The following ROBO1 variants were observed in gnomAD, a reference collection of about 807,000 sequenced individuals.
ROBO1 encodes roundabout homolog 1.
In ROBO1, 149 loss-of-function variants were observed where a neutral mutation model predicts 195.9. The ratio of observed to expected loss-of-function variants is 0.76; its 90% CI spans 0.67 to 0.87. ROBO1 has a LOEUF of 0.87. ROBO1 is among the 40% of genes least tolerant of loss of function. ROBO1 has a pLI of 0.00. For synonymous variants in ROBO1, 816 were observed against 733.2 expected, an observed-to-expected ratio of 1.11 and a Z score of -1.82; for missense variants, 1,933 against 2,068.3, an observed-to-expected ratio of 0.93 and a Z score of 1.27.
rs527256652 is a variant in ROBO1, at chr3:78,772,347, T to C, written c.500-25447A>G. On this transcript the variant is annotated intron_variant, in intron 4 of 30. Coordinates refer to ENST00000464233, the MANE Select transcript of ROBO1 (RefSeq NM_002941.4). ...TTTCTAAATTATTTGAGGAACATCA[T>C]TGACATCTTCCTGAAATAAAATCCA... Among the ~76,000 whole-genome samples, 161 of 152,186 alleles carry C rather than the reference T, an allele frequency of 1.1e-3. 1 individual carries two copies. Among genetic ancestry groups the C allele is most frequent in the African/African-American group, 3.5e-3 (146 of 41,564 alleles).
chr3:79,680,638 G>A (rs1030418454), intron 1 of ROBO1, among the ~76,000 whole-genome samples: 3 of 152,002 alleles, frequency 2.0e-5, no homozygotes, highest in Non-Finnish European at 4.4e-5. Flanking sequence ...AGCATATTCA[G>A]CTGGTGCAAA....
rs568302614 is a variant in ROBO1, at chr3:79,094,077, C to G, written c.172+31379G>C. Among the ~76,000 whole-genome samples the G allele has an allele frequency of 1.4e-4, 21 of 152,112 alleles. No individual in the cohort carries two copies. In the South Asian group the frequency reaches 4.4e-3, roughly 32 times the overall value. On this transcript the variant is annotated intron_variant, in intron 3 of 30. Transcript: ENST00000464233. ...TTTGCCATAATGAAAGGTAATAAAA[C>G]TCAAAGAGGTTATTCTATTAGCCTG...
At chr3:79,245,578 G>GA (rs2082608388) in intron 2 of ROBO1, among the ~76,000 whole-genome samples, 1 of 151,568 alleles carries the variant, frequency 6.6e-6, no homozygotes, top group Non-Finnish European at 1.5e-5. Flanking sequence ...ATATTACACA[G>GA]AAAAACGCAG....
chr3:79,580,006 A>AC (rs1943607786), intron 2 of ROBO1, among the ~76,000 whole-genome samples: 1 of 152,120 alleles, frequency 6.6e-6, no homozygotes, highest in African/African-American at 2.4e-5. Context: ...ACAAGATAAA[A>AC]CATTGAAATA....
chr3:79,160,520 G>A (rs771392615), intron 2 of ROBO1, among the ~76,000 whole-genome samples: 5 of 151,852 alleles, frequency 3.3e-5, no homozygotes, highest in South Asian at 2.1e-4. Flanking sequence ...CAACATTTCC[G>A]GAACATTGTT....
At chr3:78,935,664 T>C (rs769962229) in intron 4 of ROBO1, among the ~76,000 whole-genome samples, 7 of 152,080 alleles carry the variant, frequency 4.6e-5, no homozygotes, top group Middle Eastern at 3.4e-3. Flanking sequence ...GGGTTTGAAA[T>C]TGAATTAGAC....
intron 3 of ROBO1, among the ~76,000 whole-genome samples, chr3:79,118,917 C>G (rs1438171025): frequency 6.6e-6 from 1 of 151,060 alleles, no homozygotes; most frequent in Non-Finnish European, 1.5e-5. Context: ...AACTATTTAT[C>G]AAAAGTAATT....
chr3:79,064,910 TC>T (rs1463721969), intron 3 of ROBO1, among the ~76,000 whole-genome samples: 9 of 152,024 alleles, frequency 5.9e-5, no homozygotes, highest in African/African-American at 1.9e-4. Flanking sequence ...ATGAAGACAG[TC>T]GGGGGACTGA....
intron 4 of ROBO1, among the ~76,000 whole-genome samples, chr3:78,750,004 T>C (rs1394034945): frequency 6.6e-6 from 1 of 152,330 alleles, no homozygotes; most frequent in South Asian, 2.1e-4. Flanking sequence ...ATTGTAACAA[T>C]ATAATGTTTC....
At chr3:79,663,379 T>C (rs1253400516) in intron 1 of ROBO1, among the ~76,000 whole-genome samples, 1 of 152,106 alleles carries the variant, frequency 6.6e-6, no homozygotes, top group Non-Finnish European at 1.5e-5. Flanking sequence ...TATCAACATA[T>C]ACCATTGTGC....
At chr3:78,668,422 C>T (rs1707865081) in intron 12 of ROBO1, 62 bp downstream of exon 12, 8 of 1,591,832 alleles carry the variant, frequency 5.0e-6, no homozygotes, top group Non-Finnish European at 6.9e-6. Context: ...TCATCAATAT[C>T]CCAGTAAGTA....
intron 2 of ROBO1, among the ~76,000 whole-genome samples, chr3:79,275,438 T>C (rs1260860381): frequency 6.6e-6 from 1 of 151,826 alleles, no homozygotes; most frequent in East Asian, 1.9e-4. Context: ...CATCCCTTCA[T>C]GAAAAAAACC....
chr3:79,433,362 C>A (rs1417360425), intron 2 of ROBO1, among the ~76,000 whole-genome samples: 2 of 152,106 alleles, frequency 1.3e-5, no homozygotes, highest in Admixed American at 1.3e-4. Context: ...TATGTCCCTG[C>A]AAATGACATG....
intron 2 of ROBO1, among the ~76,000 whole-genome samples, chr3:79,160,875 G>A (rs142013866): frequency 6.6e-5 from 10 of 152,056 alleles, no homozygotes; most frequent in Non-Finnish European, 8.8e-5. Flanking sequence ...CCAACCTCAA[G>A]TAGGTAATAT....
chr3:79,138,442 C>G (rs1041565631), intron 2 of ROBO1, among the ~76,000 whole-genome samples: 1 of 151,976 alleles, frequency 6.6e-6, no homozygotes, highest in Non-Finnish European at 1.5e-5. Flanking sequence ...GAATTACCTC[C>G]TTATGTTGTC....
At chr3:79,345,802 C>T (rs781668651) in intron 2 of ROBO1, among the ~76,000 whole-genome samples, 2 of 152,150 alleles carry the variant, frequency 1.3e-5, no homozygotes, top group African/African-American at 4.8e-5. Flanking sequence ...CACCTTTCAG[C>T]TTTGAACAGT....
intron 2 of ROBO1, among the ~76,000 whole-genome samples, chr3:79,550,202 A>AAAGAAAGAAAGAAAGAAAGAAAGG (rs61662697): frequency 9.7e-6 from 1 of 103,094 alleles, no homozygotes; most frequent in Non-Finnish European, 2.0e-5. Flanking sequence ...AAAGGAAAAG[A>AAAGAAAGAAAGAAAGAAAGAAAGG]AAAGAAAAGA....
chr3:78,990,964 C>G (rs887756035), intron 3 of ROBO1, among the ~76,000 whole-genome samples: 1 of 152,122 alleles, frequency 6.6e-6, no homozygotes, highest in African/African-American at 2.4e-5. Flanking sequence ...TGTAATAGGA[C>G]TCAGTCTGTG....
chr3:78,600,095 G>A lies in ROBO1; in HGVS notation c.4941+18C>T, dbSNP rs778129034. 1 of 1,595,902 alleles carries A rather than the reference G, an allele frequency of 6.3e-7. No homozygotes were observed. The highest frequency in any genetic ancestry group is 1.1e-5 in the South Asian group (1 of 90,660). ...CCACAGTCTAACATTGGTAAACTTG[G>A]GGAAAAATTATAGATACCTCTAATT... On this transcript the variant is annotated intron_variant, in intron 30 of 30. Transcript: ENST00000464233.
Sources: gnomAD v4.1 joint callset for allele counts (sites outside exome capture counted in the v4.1 genomes callset) on GRCh38, gnomAD v4.1.1 for gene constraint, MANE v1.5 for transcripts, NCBI Gene and HGNC (gene_info 2026-07-23, HGNC 2026-07-21) for gene names.